The following ZDHHC11 variants were observed in gnomAD, a reference collection of about 807,000 sequenced individuals.
ZDHHC11 encodes the protein zDHHC palmitoyltransferase 11.
A neutral mutation model predicts 51.3 loss-of-function variants in ZDHHC11; 44 were observed. The observed-to-expected ratio is 0.86, with a 90% CI of 0.67 to 1.10. ZDHHC11 has a LOEUF of 1.10. Ranked by LOEUF, ZDHHC11 falls within the 50% of genes least tolerant of loss-of-function variation. The pLI is 0.00. For synonymous variants in ZDHHC11, 163 were observed against 222.0 expected (o/e 0.73, Z 2.36); for missense variants, 400 against 537.7 (o/e 0.74, Z 2.53).
At chr5:796,933 T>G (rs1318566597) in intron 12 of ZDHHC11, among the ~76,000 whole-genome samples, 1 of 151,982 alleles carries the variant, frequency 6.6e-6, no homozygotes, top group African/African-American at 2.4e-5. Flanking sequence ...TTTGGCCAGG[T>G]GTGGTGGCTC....
At chr5:824,755 C>G (rs1414313023) in intron 8 of ZDHHC11, among the ~76,000 whole-genome samples, 1 of 131,202 alleles carries the variant, frequency 7.6e-6, no homozygotes, top group Non-Finnish European at 1.5e-5. Context: ...ACAGTCTTTC[C>G]TAAGCATTTT....
chr5:808,987 AC>A (rs1739702526), intron 11 of ZDHHC11, among the ~76,000 whole-genome samples: 1 of 9,048 alleles, frequency 1.1e-4, no homozygotes, highest in Non-Finnish European at 3.8e-4. Flanking sequence ...CATCAGTTAC[AC>A]ACACACACAC....
chr5:795,702 G>A lies in ZDHHC11; in HGVS notation c.*886C>T, dbSNP rs1340844440. The stretch of plus-strand genomic sequence containing the variant: ...ATGCAGAGTTCATTAAAATACAGAG[G>A]ATGCCTCTGGTTCTCTGGTATTGAC... On this transcript the variant is annotated 3_prime_UTR_variant, in exon 13 of 13. Coordinates refer to ENST00000283441, the MANE Select transcript of ZDHHC11 (RefSeq NM_024786.3). 2 of 154,214 alleles carry A rather than the reference G, an allele frequency of 1.3e-5. No individual in the cohort carries two copies. Among genetic ancestry groups the A allele is most frequent in the Non-Finnish European group, 2.9e-5 (2 of 67,924 alleles). 9.6% of individuals were successfully genotyped at this position (154,214 alleles called of 1,614,324 possible).
chr5:825,435 C>A (rs1421747965), intron 7 of ZDHHC11, among the ~76,000 whole-genome samples, 184 bp from the exon 8 acceptor site: 2 of 152,106 alleles, frequency 1.3e-5, no homozygotes, highest in Non-Finnish European at 2.9e-5. Flanking sequence ...CAGTGGCACA[C>A]GTAAGAAGCT....
intron 4 of ZDHHC11, chr5:841,990 T>C (rs1345250093): frequency 2.0e-6 from 2 of 988,958 alleles, no homozygotes; most frequent in Admixed American, 6.1e-5. Context: ...CTGGACCCCA[T>C]GCTGCCCCCC....
At chr5:821,002 A>C (rs1175169394) in intron 9 of ZDHHC11, 2 of 151,422 alleles carry the variant, frequency 1.3e-5, no homozygotes, top group Non-Finnish European at 3.0e-5. Flanking sequence ...AATATTTAAT[A>C]CATGAGGTGA....
chr5:841,072 C>T (rs1436162378), intron 4 of ZDHHC11: 59 of 968,058 alleles, frequency 6.1e-5, no homozygotes, highest in East Asian at 9.8e-5. Context: ...CACTAAGTGC[C>T]GGGGTCACAG....
intron 10 of ZDHHC11, among the ~76,000 whole-genome samples, chr5:818,264 A>T (rs1741085527): frequency 6.6e-6 from 1 of 151,392 alleles, no homozygotes; most frequent in Non-Finnish European, 1.5e-5. Context: ...AAATCCTGTG[A>T]GCCTGTGTGC....
At chr5:802,872 A>AAAAAAAAAAAAAAAAAAAAAAC (rs1561228390) in intron 11 of ZDHHC11, among the ~76,000 whole-genome samples, 1 of 110,648 alleles carries the variant, frequency 9.0e-6, no homozygotes, top group African/African-American at 3.5e-5. Flanking sequence ...AAAAAAAAAA[A>AAAAAAAAAAAAAAAAAAAAAAC]AAGCTAAATG....
intron 5 of ZDHHC11, among the ~76,000 whole-genome samples, chr5:838,003 G>A (rs1183013549): frequency 5.3e-5 from 8 of 151,928 alleles, no homozygotes; most frequent in East Asian, 3.9e-4. Context: ...GCAGTGGGGC[G>A]GCCACCCCGA....
chr5:859,771 G>A (rs1748694288), upstream of ZDHHC11, among the ~76,000 whole-genome samples: 1 of 152,212 alleles, frequency 6.6e-6, no homozygotes, highest in African/African-American at 2.4e-5. Flanking sequence ...GCCAGCAAGT[G>A]TGTTTAAGGA....
At chr5:817,771 TCA>T in intron 10 of ZDHHC11, among the ~76,000 whole-genome samples, 1 of 151,362 alleles carries the variant, frequency 6.6e-6, no homozygotes, top group East Asian at 1.9e-4. Flanking sequence ...CCCCATTGCC[TCA>T]CCTTGGCACC....
intron 11 of ZDHHC11, among the ~76,000 whole-genome samples, chr5:804,220 CATG>C (rs995644872): frequency 4.0e-5 from 6 of 150,876 alleles, no homozygotes; most frequent in African/African-American, 1.5e-4. Flanking sequence ...TTCTCAGTAG[CATG>C]ATGAAATATC....
upstream of ZDHHC11, among the ~76,000 whole-genome samples, chr5:852,425 G>A (rs557894137): frequency 6.6e-6 from 1 of 152,378 alleles, no homozygotes; most frequent in African/African-American, 2.4e-5. Flanking sequence ...TGTGCACCAA[G>A]AGCTGGAAAG....
chr5:834,090 C>T (rs1175466583), intron 6 of ZDHHC11, among the ~76,000 whole-genome samples: 1 of 152,188 alleles, frequency 6.6e-6, no homozygotes, highest in Non-Finnish European at 1.5e-5. Flanking sequence ...CCTCATTTAA[C>T]TCCCACTAGC....
Position 850,553 on chromosome 5 carries a change from A to G in ZDHHC11, c.50T>C (p.Leu17Pro). 1 of 1,613,640 alleles carries G rather than the reference A, an allele frequency of 6.2e-7. No homozygotes were observed. Among genetic ancestry groups the G allele is most frequent in the South Asian group, 1.1e-5 (1 of 91,076 alleles). ...SQCSVTPEAI[L>P]NNEKLVLPPR... ...CGGCAAGACCAGCTTTTCATTATTG[A>G]GTATGGCTTCTGGGGTGACGGAACA... Residue 17 changes from leucine (L) to proline (P), a missense_variant, in exon 1 of 13, where the codon CTC (leucine) becomes CCC (proline). Leu to Pro is a moderately conservative substitution (Grantham distance 98, BLOSUM62 -3). Coordinates refer to ENST00000283441, the MANE Select transcript of ZDHHC11 (RefSeq NM_024786.3).
intron 6 of ZDHHC11, among the ~76,000 whole-genome samples, chr5:835,268 T>G (rs1277834155): frequency 6.6e-6 from 1 of 151,522 alleles, no homozygotes; most frequent in Admixed American, 6.6e-5. Flanking sequence ...TTCTTTTCCA[T>G]GTGGATATCC....
intron 11 of ZDHHC11, among the ~76,000 whole-genome samples, chr5:804,006 ACACCATCAAGGGTACCAACATATG>A (rs1228675928): frequency 1.3e-5 from 2 of 150,732 alleles, no homozygotes; most frequent in Admixed American, 1.3e-4. Flanking sequence ...GGTTTGTTAG[ACACCATCAAGGGTACCAACATATG>A]CAACATAGGA....
intron 11 of ZDHHC11, among the ~76,000 whole-genome samples, chr5:806,516 T>C (rs1459710555): frequency 2.6e-5 from 4 of 151,088 alleles, no homozygotes; most frequent in African/African-American, 7.3e-5. Flanking sequence ...GCATTACTTA[T>C]ACAATATGTA....
Sources: gnomAD v4.1 joint callset for allele counts (sites outside exome capture counted in the v4.1 genomes callset) on GRCh38, gnomAD v4.1.1 for gene constraint, MANE v1.5 for transcripts, NCBI Gene and HGNC (gene_info 2026-07-23, HGNC 2026-07-21) for gene names.